The following FAM47E variants were observed in gnomAD, a reference collection of about 807,000 sequenced individuals.
FAM47E encodes the protein protein FAM47E.
FAM47E carries 32 observed loss-of-function variants against 41.6 expected under a neutral mutation model. That is an observed-to-expected ratio of 0.77 (90% CI 0.58 to 1.03). The LOEUF (loss-of-function observed/expected upper bound fraction) is 1.03. FAM47E is among the 50% of genes least tolerant of loss of function. The pLI is 0.00. For missense variants in FAM47E, 424 were observed against 485.4 expected, an observed-to-expected ratio of 0.87 and a Z score of 1.19; for synonymous variants, 184 against 188.7, an observed-to-expected ratio of 0.98 and a Z score of 0.20.
intron 5 of FAM47E, among the ~76,000 whole-genome samples, chr4:76,275,067 A>AT (rs146030831): frequency 0.18 from 27,179 of 151,786 alleles, 2,608 homozygotes; most frequent in Middle Eastern, 0.25. Flanking sequence ...TAATTCATGT[A>AT]TTTTTTCTTG....
At position 76,263,843 on chromosome 4, in the gene FAM47E, C is replaced by A. The variant is rs61730247; in HGVS notation, c.560C>A (p.Pro187His). The change falls in exon 3 of 8, where the codon CCT becomes CAT. Residue 187 changes from proline to histidine, a missense_variant and splice_region_variant. Coordinates refer to ENST00000424749, the MANE Select transcript of FAM47E (RefSeq NM_001136570.3). ...CATTCTACCCAAGTCTACCTGGGAC[C>A]GTGAGTATTGTTCTTAACCCTTCGA... ...KKHSTQVYLG[P>H]SKKTSVSNAG... 1 of 1,551,018 alleles carries A rather than the reference C, an allele frequency of 6.4e-7. No individual in the cohort carries two copies. The highest frequency in any genetic ancestry group is 2.0e-5 in the Admixed American group (1 of 50,984).
At chr4:76,265,476 TG>T (rs1458234241) in intron 3 of FAM47E, among the ~76,000 whole-genome samples, 3 of 152,196 alleles carry the variant, frequency 2.0e-5, no homozygotes, top group African/African-American at 7.2e-5. Flanking sequence ...GCTCAGAACT[TG>T]GGTGAGGGAG....
chr4:76,250,489 A>AT (rs1373334175), upstream of FAM47E, among the ~76,000 whole-genome samples: 4 of 151,896 alleles, frequency 2.6e-5, no homozygotes, highest in Admixed American at 1.3e-4. Context: ...GATTGCAAAG[A>AT]TTTTTCCCAC....
intron 3 of FAM47E, among the ~76,000 whole-genome samples, chr4:76,266,882 A>G (rs914726035): frequency 2.0e-5 from 3 of 152,150 alleles, no homozygotes; most frequent in African/African-American, 7.2e-5. Flanking sequence ...TGCACATGCC[A>G]TTCTTTTCTG....
At chr4:76,221,426 C>G (rs1384545896) in intron 2 of FAM47E, among the ~76,000 whole-genome samples, 2 of 152,162 alleles carry the variant, frequency 1.3e-5, no homozygotes, top group East Asian at 1.9e-4. Context: ...TCAAGCGGTT[C>G]TCCTGCCTCA....
chr4:76,245,705 C>T lies in FAM47E; in HGVS notation c.82-17999C>T, dbSNP rs72858586. On this transcript the variant is annotated intron_variant, in intron 2 of 7. Transcript: ENST00000510197. ...AATAACTGTTCTAGCTACACTCCCA[C>T]CAGCAATGTATCCCTACATCCCATC... Among the ~76,000 whole-genome samples the T allele has an allele frequency of 9.5e-3, 1,454 of 152,298 alleles. 35 individuals carry two copies. Among genetic ancestry groups the T allele is most frequent in the African/African-American group, 0.033 (1,382 of 41,524 alleles).
chr4:76,263,628 T>C (rs1275677330), intron 2 of FAM47E, 76 bp from the exon 3 acceptor site: 3 of 1,498,764 alleles, frequency 2.0e-6, no homozygotes, highest in Admixed American at 4.7e-5. Flanking sequence ...GGCAAGTTGG[T>C]CTGTTTTGTT....
intron 2 of FAM47E, among the ~76,000 whole-genome samples, chr4:76,218,249 T>C (rs1401236068): frequency 6.6e-6 from 1 of 152,214 alleles, no homozygotes; most frequent in East Asian, 1.9e-4. Context: ...CCCTAGTGAT[T>C]TGACATATGT....
chr4:76,249,956 C>T (rs961193318), upstream of FAM47E, among the ~76,000 whole-genome samples: 36 of 152,042 alleles, frequency 2.4e-4, no homozygotes, highest in African/African-American at 7.7e-4. Flanking sequence ...ATCCACTCAT[C>T]GATTGATGGG....
rs1320727929 is a variant in FAM47E at position 76,271,512 on chromosome 4, A to G, written c.670-56A>G. On this transcript the variant is annotated intron_variant, in intron 4 of 7. Transcript: ENST00000424749. ...GCGATGGCCCTCAGATTAAAGAAGA[A>G]AGCAAAGAGCATTTCACCGATTGCC... is the stretch of plus-strand genomic sequence containing the variant. The G allele has an allele frequency of 1.9e-6, 3 of 1,541,400 alleles. No individual in the cohort carries two copies. In the African/African-American group the frequency reaches 4.1e-5, roughly 21 times the overall value.
chr4:76,222,769 T>C (rs963641202), intron 2 of FAM47E, among the ~76,000 whole-genome samples: 2 of 152,178 alleles, frequency 1.3e-5, no homozygotes, highest in Non-Finnish European at 2.9e-5. Context: ...TCTAAGGACT[T>C]CACATCTATT....
chr4:76,222,176 A>G lies in FAM47E; in HGVS notation c.81+4488A>G, dbSNP rs114197046. On this transcript the variant is annotated intron_variant, in intron 2 of 7. Coordinates refer to the FAM47E transcript ENST00000510197. Reference sequence around the variant, plus strand: ...ATACTACTTTTAAATTCAGTCTCCAATCCTTCCAGTGTCCAATTCATGAAC... The same window carrying G: ...ATACTACTTTTAAATTCAGTCTCCAGTCCTTCCAGTGTCCAATTCATGAAC... 3.7e-3 allele frequency among the ~76,000 whole-genome samples: 568 copies of G among 152,180 alleles called. 7 individuals carry two copies. The highest frequency in any genetic ancestry group is 0.013 in the African/African-American group (551 of 41,532).
upstream of FAM47E, among the ~76,000 whole-genome samples, chr4:76,248,707 T>G (rs1733885343): frequency 6.6e-6 from 1 of 152,168 alleles, no homozygotes; most frequent in African/African-American, 2.4e-5. Context: ...GACATCTGCA[T>G]CATCACAAGT....
chr4:76,251,621 G>C, upstream of FAM47E: 1 of 1,345,610 alleles, frequency 7.4e-7, no homozygotes, highest in Non-Finnish European at 9.5e-7. Context: ...GCAGCGGGGC[G>C]TCAGAGTTGC....
intron 1 of FAM47E, among the ~76,000 whole-genome samples, chr4:76,252,804 C>T (rs1262995759): frequency 6.6e-6 from 1 of 152,158 alleles, no homozygotes; most frequent in African/African-American, 2.4e-5. Context: ...TACCCTTCCC[C>T]TAGCTGCTTA....
chr4:76,255,032 G>A (rs1313313620), intron 1 of FAM47E, among the ~76,000 whole-genome samples: 1 of 152,102 alleles, frequency 6.6e-6, no homozygotes, highest in Non-Finnish European at 1.5e-5. Flanking sequence ...TGTCTCCAGT[G>A]GGCAACCAAT....
At position 76,276,397 on chromosome 4, in the gene FAM47E, G is replaced by A. The variant is rs536095754; in HGVS notation, c.871-1672G>A. 2.8e-5 allele frequency among the ~76,000 whole-genome samples: 3 copies of A among 106,176 alleles called. No homozygotes were observed. The East Asian group carries it at 6.1e-4, about 22-fold the overall frequency. 69.7% of individuals were successfully genotyped at this position (106,176 alleles called of 152,430 possible). A position where few individuals can be genotyped will look rare whatever the true frequency, so the allele number is the denominator to read the frequency against. On this transcript the variant is annotated intron_variant, in intron 5 of 7. Transcript: ENST00000424749. Reference sequence around the variant, plus strand: ...GTTTTTTTGTTTATTTGGGGAGACAGCGTCTCACTCTGTCGCCCAGGCTGG... The same window carrying A: ...GTTTTTTTGTTTATTTGGGGAGACAACGTCTCACTCTGTCGCCCAGGCTGG...
At chr4:76,241,366 G>C (rs1239653857) in intron 2 of FAM47E, among the ~76,000 whole-genome samples, 1 of 152,132 alleles carries the variant, frequency 6.6e-6, no homozygotes, top group Admixed American at 6.6e-5. Context: ...ACAATGGGGG[G>C]GAAGGTGCAA....
intron 7 of FAM47E, chr4:76,282,965 C>G (rs1176661027): frequency 6.5e-6 from 1 of 154,972 alleles, no homozygotes; most frequent in Non-Finnish European, 1.4e-5. Flanking sequence ...TTTTTTTAAC[C>G]TCCTGTGTAC....
Sources: allele counts gnomAD v4.1 joint callset (sites outside exome capture counted in the v4.1 genomes callset), GRCh38; gene constraint gnomAD v4.1.1; transcripts MANE v1.5; gene names NCBI Gene and HGNC (gene_info 2026-07-23, HGNC 2026-07-21).